Variants in ASIC2 observed in about 807,000 individuals in gnomAD.
The protein encoded by ASIC2 is acid-sensing ion channel 2.
ASIC2 carries 25 observed loss-of-function variants against 57.3 expected under a neutral mutation model. The ratio of observed to expected loss-of-function variants is 0.44; its 90% confidence interval spans 0.32 to 0.61. The LOEUF (loss-of-function observed/expected upper bound fraction) is 0.61. Among genes scored for constraint, ASIC2 ranks in the 20% least tolerant of loss-of-function variants. ASIC2 has a pLI of 0.06. For synonymous variants in ASIC2, 319 were observed against 307.5 expected (o/e 1.04, Z -0.39); for missense variants, 641 against 738.1 (o/e 0.87, Z 1.52).
intron 1 of ASIC2, among the ~76,000 whole-genome samples, chr17:33,804,060 C>T (rs1252933445): frequency 2.0e-5 from 3 of 152,176 alleles, no homozygotes; most frequent in Non-Finnish European, 4.4e-5. Context: ...TTGAAGTCAG[C>T]TTGAGACCTT....
intron 1 of ASIC2, among the ~76,000 whole-genome samples, chr17:33,653,170 G>A (rs1906975522): frequency 6.6e-6 from 1 of 152,196 alleles, no homozygotes; most frequent in Non-Finnish European, 1.5e-5. Context: ...CAGGGTAAAG[G>A]AAACTGGAGA....
chr17:34,126,633 T>C (rs968420719), intron 1 of ASIC2, among the ~76,000 whole-genome samples: 1 of 152,142 alleles, frequency 6.6e-6, no homozygotes, highest in East Asian at 1.9e-4. Context: ...CTACCAACTC[T>C]TGGTCAGCAG....
At chr17:33,665,511 C>G (rs1205768629) in intron 1 of ASIC2, among the ~76,000 whole-genome samples, 1 of 152,206 alleles carries the variant, frequency 6.6e-6, no homozygotes, top group Admixed American at 6.5e-5. Flanking sequence ...GAGGCCAGAT[C>G]TTGAACAAAT....
chr17:33,025,869 T>C, intron 5 of ASIC2, 57 bp downstream of exon 5: 1 of 1,484,790 alleles, frequency 6.7e-7, no homozygotes, highest in Non-Finnish European at 9.1e-7. Context: ...ATGATTTCCA[T>C]GATCTCAGTC....
intron 1 of ASIC2, among the ~76,000 whole-genome samples, chr17:34,026,189 G>T (rs1907372581): frequency 6.6e-6 from 1 of 152,222 alleles, no homozygotes; most frequent in African/African-American, 2.4e-5. Context: ...GTGGAAAGCA[G>T]TCCTTCTTTC....
chr17:34,087,386 G>A (rs1426938984), intron 1 of ASIC2, among the ~76,000 whole-genome samples: 1 of 152,106 alleles, frequency 6.6e-6, no homozygotes, highest in Non-Finnish European at 1.5e-5. Flanking sequence ...CTTCTGGCTT[G>A]TAGAGTTTCT....
intron 1 of ASIC2, among the ~76,000 whole-genome samples, chr17:34,129,606 C>G (rs191519979): frequency 6.6e-6 from 1 of 152,190 alleles, no homozygotes. Context: ...GCCTATAGTA[C>G]CCCCTCATGG....
chr17:33,745,507 T>C (rs4505388), intron 1 of ASIC2, among the ~76,000 whole-genome samples: 61,484 of 142,498 alleles, frequency 0.43, 13,832 homozygotes, highest in Non-Finnish European at 0.53. Context: ...ATGCTGAAAG[T>C]CAAAGTCAAA....
intron 1 of ASIC2, among the ~76,000 whole-genome samples, chr17:33,175,728 C>T (rs933225574): frequency 4.6e-5 from 7 of 152,144 alleles, no homozygotes; most frequent in Admixed American, 4.6e-4. Flanking sequence ...TCACTCCTCT[C>T]CCTCCTTGCT....
intron 1 of ASIC2, among the ~76,000 whole-genome samples, chr17:33,305,636 A>G (rs1302294417): frequency 6.6e-6 from 1 of 152,346 alleles, no homozygotes; most frequent in Non-Finnish European, 1.5e-5. Context: ...GCCCCAAACA[A>G]TAGCTGAAAC....
chr17:33,856,448 T>C (rs372249908), intron 1 of ASIC2, among the ~76,000 whole-genome samples: 8 of 96,380 alleles, frequency 8.3e-5, no homozygotes, highest in Non-Finnish European at 1.9e-4. Flanking sequence ...GTGGTAGTAG[T>C]AGTAATAGTC....
chr17:33,483,179 C>G (rs756196719), intron 1 of ASIC2, among the ~76,000 whole-genome samples: 5 of 152,234 alleles, frequency 3.3e-5, no homozygotes, highest in Admixed American at 2.0e-4. Context: ...TTACTTCCTT[C>G]CATCCCTGAT....
upstream of ASIC2, among the ~76,000 whole-genome samples, chr17:33,296,836 T>C (rs533229303): frequency 1.3e-5 from 2 of 152,352 alleles, no homozygotes; most frequent in Middle Eastern, 3.4e-3. Context: ...AGTGTTCCTG[T>C]TTACCTGCTA....
At chr17:33,462,640 G>A (rs946529901) in intron 1 of ASIC2, among the ~76,000 whole-genome samples, 1 of 152,238 alleles carries the variant, frequency 6.6e-6, no homozygotes, top group African/African-American at 2.4e-5. Flanking sequence ...CCACCTTCAG[G>A]CTCATATTTG....
intron 1 of ASIC2, among the ~76,000 whole-genome samples, chr17:33,788,171 G>A (rs1597876232): frequency 1.3e-5 from 2 of 151,768 alleles, no homozygotes; most frequent in African/African-American, 4.8e-5. Context: ...TCTGACAAAG[G>A]TCTAATTATC....
intron 1 of ASIC2, among the ~76,000 whole-genome samples, chr17:33,256,307 A>C (rs923183041): frequency 2.0e-5 from 3 of 152,234 alleles, no homozygotes; most frequent in African/African-American, 7.2e-5. Flanking sequence ...AGATACATTA[A>C]GTAAAAGATA....
At chr17:33,863,997 A>G (rs932184622) in intron 1 of ASIC2, among the ~76,000 whole-genome samples, 12 of 151,254 alleles carry the variant, frequency 7.9e-5, no homozygotes, top group African/African-American at 2.9e-4. Flanking sequence ...TCCACCTCCC[A>G]GGTTCAAGCG....
intron 1 of ASIC2, chr17:33,627,110 T>C (rs1042142965): frequency 1.3e-5 from 2 of 152,196 alleles, no homozygotes; most frequent in East Asian, 3.9e-4. Flanking sequence ...ACATGTAACC[T>C]TGTGTCTTTG....
intron 1 of ASIC2, among the ~76,000 whole-genome samples, chr17:34,056,314 T>C (rs1195048784): frequency 6.6e-6 from 1 of 152,196 alleles, no homozygotes; most frequent in East Asian, 1.9e-4. Context: ...CACCATCACC[T>C]GGCACACAGC....
Sources: allele counts gnomAD v4.1 joint callset (sites outside exome capture counted in the v4.1 genomes callset), GRCh38; gene constraint gnomAD v4.1.1; transcripts MANE v1.5; gene names NCBI Gene and HGNC (gene_info 2026-07-23, HGNC 2026-07-21).